Variants in CBLB observed in about 807,000 individuals in gnomAD.
CBLB encodes the protein Cbl proto-oncogene B.
Under a neutral mutation model 104.9 loss-of-function variants are expected in CBLB, and 31 were observed. The ratio of observed to expected loss-of-function variants is 0.30; its 90% confidence interval spans 0.22 to 0.40. The LOEUF (loss-of-function observed/expected upper bound fraction) is 0.40. Ranked by LOEUF, CBLB falls within the 10% of genes least tolerant of loss-of-function variation. The probability of loss-of-function intolerance (pLI) is 1.00; values close to 1 mark genes in which losing one functional copy is unlikely to be tolerated. For missense variants in CBLB, 1,062 were observed against 1,214.6 expected, an observed-to-expected ratio of 0.87 and a Z score of 1.87; for synonymous variants, 440 against 422.6, an observed-to-expected ratio of 1.04 and a Z score of -0.51.
intron 3 of CBLB, among the ~76,000 whole-genome samples, chr3:105,788,230 G>C (rs2152989934): frequency 6.6e-6 from 1 of 152,130 alleles, no homozygotes; most frequent in East Asian, 1.9e-4. Flanking sequence ...TGACTGCAAA[G>C]ACAATTATCC....
intron 12 of CBLB, among the ~76,000 whole-genome samples, chr3:105,700,882 C>T (rs539309103): frequency 6.6e-6 from 1 of 152,324 alleles, no homozygotes; most frequent in African/African-American, 2.4e-5. Context: ...GTGCAAGTCA[C>T]GCTTCTTCCT....
At chr3:105,791,674 T>A (rs2152995960) in intron 3 of CBLB, among the ~76,000 whole-genome samples, 1 of 152,344 alleles carries the variant, frequency 6.6e-6, no homozygotes, top group African/African-American at 2.4e-5. Context: ...TTAAGTTTTA[T>A]GGAGCAAGAT....
intron 10 of CBLB, among the ~76,000 whole-genome samples, chr3:105,712,494 G>GA (rs1387178829): frequency 6.6e-6 from 1 of 152,116 alleles, no homozygotes; most frequent in Non-Finnish European, 1.5e-5. Flanking sequence ...TTTGGTCACT[G>GA]AAAAAATGCT....
intron 4 of CBLB, among the ~76,000 whole-genome samples, chr3:105,752,832 T>C (rs976922023): frequency 4.6e-5 from 7 of 152,186 alleles, no homozygotes; most frequent in Admixed American, 1.3e-4. Context: ...TTCAGTAGCA[T>C]TGGGGTGGGG....
Position 105,741,095 on chromosome 3 carries a change from G to T in CBLB, c.846-464C>A, listed in dbSNP as rs1429854400. On this transcript the variant is annotated intron_variant, in intron 6 of 18. Transcript: ENST00000394030. ...TTGTAATTTAGACATAAAAATTAGGGTTTTTTTTTTTTTTTTTTTTTTGAG... is the reference window on the plus strand; with the variant it reads ...TTGTAATTTAGACATAAAAATTAGGTTTTTTTTTTTTTTTTTTTTTTTGAG... Among the ~76,000 whole-genome samples, 177 of 108,178 alleles carry T rather than the reference G, an allele frequency of 1.6e-3. 4 individuals carry two copies. Among genetic ancestry groups the T allele is most frequent in the African/African-American group, 5.5e-3 (158 of 28,848 alleles). The allele number at this position is 108,178 out of a possible 152,430, so 71.0% of individuals were successfully genotyped here. A position where few individuals can be genotyped will look rare whatever the true frequency, so the allele number is the denominator to read the frequency against.
chr3:105,675,555 G>T (rs866221178), intron 17 of CBLB, among the ~76,000 whole-genome samples: 2 of 152,014 alleles, frequency 1.3e-5, no homozygotes, highest in African/African-American at 4.8e-5. Flanking sequence ...AATACACACG[G>T]TTTTAAATTT....
intron 3 of CBLB, among the ~76,000 whole-genome samples, chr3:105,845,469 A>G (rs1179246381): frequency 6.6e-6 from 1 of 151,836 alleles, no homozygotes; most frequent in Non-Finnish European, 1.5e-5. Context: ...TAAAAAGCTA[A>G]TGGTGGAATT....
At chr3:105,813,675 A>G (rs984289565) in intron 3 of CBLB, among the ~76,000 whole-genome samples, 3 of 152,170 alleles carry the variant, frequency 2.0e-5, no homozygotes, top group African/African-American at 7.2e-5. Flanking sequence ...TTTATCACAG[A>G]AATATTAGAT....
intron 6 of CBLB, among the ~76,000 whole-genome samples, chr3:105,743,707 C>T (rs2075835160): frequency 6.9e-6 from 1 of 144,858 alleles, no homozygotes; most frequent in Admixed American, 7.0e-5. Context: ...ACTATGAAGT[C>T]AAAGACATGA....
chr3:105,686,954 A>T (rs2067083976), intron 13 of CBLB, among the ~76,000 whole-genome samples: 1 of 152,116 alleles, frequency 6.6e-6, no homozygotes, highest in Non-Finnish European at 1.5e-5. Context: ...TTTACTTTCC[A>T]ATTAAAGGAA....
chr3:105,734,959 T>G (rs1014595393), intron 8 of CBLB, among the ~76,000 whole-genome samples: 4 of 151,912 alleles, frequency 2.6e-5, no homozygotes, highest in African/African-American at 9.7e-5. Context: ...ACAAATAAAT[T>G]GGTAAATTTG....
intron 13 of CBLB, among the ~76,000 whole-genome samples, chr3:105,691,506 TC>T (rs1418907315): frequency 1.3e-5 from 2 of 152,208 alleles, no homozygotes; most frequent in Non-Finnish European, 2.9e-5. Flanking sequence ...CACTGCAACT[TC>T]CAGCTCGCTT....
At chr3:105,673,537 A>AT (rs1355449761) in intron 17 of CBLB, 21 of 152,174 alleles carry the variant, frequency 1.4e-4, no homozygotes, top group African/African-American at 5.1e-4. Context: ...CCCAAATTTT[A>AT]ATAGAGTATA....
At chr3:105,685,236 C>T (rs140629059) in intron 14 of CBLB, 84 bp downstream of exon 14, 36 of 1,164,960 alleles carry the variant, frequency 3.1e-5, no homozygotes, top group East Asian at 1.6e-4. Context: ...TTTAATTAGA[C>T]GTGAATCAAT....
intron 3 of CBLB, among the ~76,000 whole-genome samples, chr3:105,784,896 G>A (rs376787289): frequency 2.0e-5 from 3 of 152,062 alleles, no homozygotes; most frequent in African/African-American, 2.4e-5. Flanking sequence ...TCTGCTTTCC[G>A]TGAGTTAAGC....
At chr3:105,679,437 A>T (rs539120859) in intron 16 of CBLB, among the ~76,000 whole-genome samples, 28 of 152,196 alleles carry the variant, frequency 1.8e-4, no homozygotes, top group Non-Finnish European at 3.7e-4. Context: ...TCTAATAATA[A>T]AAATTCACAC....
chr3:105,856,066 A>C (rs1577915836), intron 2 of CBLB, among the ~76,000 whole-genome samples: 1 of 151,866 alleles, frequency 6.6e-6, no homozygotes, highest in East Asian at 1.9e-4. Context: ...TTCTTAAAGA[A>C]ATTGGCCAGG....
chr3:105,665,305 C>T (rs1027635965), intron 18 of CBLB, among the ~76,000 whole-genome samples: 2 of 151,276 alleles, frequency 1.3e-5, no homozygotes, highest in South Asian at 4.2e-4. Flanking sequence ...ATTGCTTGAA[C>T]CCGGAACGTG....
At chr3:105,846,967 T>C (rs2090333311) in intron 3 of CBLB, among the ~76,000 whole-genome samples, 1 of 152,088 alleles carries the variant, frequency 6.6e-6, no homozygotes, top group Non-Finnish European at 1.5e-5. Context: ...GCATTTAAAT[T>C]AATACTACTG....
Sources: allele counts gnomAD v4.1 joint callset (sites outside exome capture counted in the v4.1 genomes callset), GRCh38; gene constraint gnomAD v4.1.1; transcripts MANE v1.5; gene names NCBI Gene and HGNC (gene_info 2026-07-23, HGNC 2026-07-21).